Variants in HECW1 observed in about 807,000 individuals in gnomAD.
HECW1 encodes the protein HECT, C2 and WW domain containing E3 ubiquitin protein ligase 1.
In HECW1, 61 loss-of-function variants were observed where a neutral mutation model predicts 182.3. That is an observed-to-expected ratio of 0.33 (90% CI 0.27 to 0.41). HECW1 has a LOEUF of 0.41. HECW1 is among the 10% of genes least tolerant of loss of function. The pLI, the probability that HECW1 is intolerant of heterozygous loss-of-function variation, is 1.00. For missense variants in HECW1, 1,739 were observed against 2,108.9 expected (o/e 0.82, Z 3.44); for synonymous variants, 859 against 832.6 (o/e 1.03, Z -0.55).
At chr7:43,209,463 C>A (rs962609410) in intron 2 of HECW1, among the ~76,000 whole-genome samples, 2 of 152,184 alleles carry the variant, frequency 1.3e-5, no homozygotes, top group African/African-American at 4.8e-5. Context: ...TATTTTATTT[C>A]TCAGGGGTAT....
At chr7:43,468,098 C>CCA (rs151124407) in intron 15 of HECW1, among the ~76,000 whole-genome samples, 21 of 151,276 alleles carry the variant, frequency 1.4e-4, no homozygotes, top group East Asian at 1.2e-3. Context: ...CCAGCCCCCA[C>CCA]CACACACACA....
At chr7:43,260,943 A>C (rs1221203782) in intron 3 of HECW1, among the ~76,000 whole-genome samples, 2 of 152,204 alleles carry the variant, frequency 1.3e-5, no homozygotes, top group African/African-American at 4.8e-5. Flanking sequence ...GCAAACATTA[A>C]CCTCTTTTAC....
At chr7:43,258,227 C>T (rs2152731151) in intron 3 of HECW1, among the ~76,000 whole-genome samples, 1 of 152,128 alleles carries the variant, frequency 6.6e-6, no homozygotes, top group African/African-American at 2.4e-5. Flanking sequence ...CCTGTAGTCC[C>T]AGCTACTCGG....
At chr7:43,488,464 G>GAAAGA (rs1563046310) in intron 17 of HECW1, among the ~76,000 whole-genome samples, 6 of 148,060 alleles carry the variant, frequency 4.1e-5, no homozygotes, top group Non-Finnish European at 7.4e-5. Context: ...AAGAAAGAAA[G>GAAAGA]AAAGAAAGAA....
chr7:43,369,040 G>C (rs1156234562), intron 6 of HECW1, among the ~76,000 whole-genome samples: 1 of 152,148 alleles, frequency 6.6e-6, no homozygotes, highest in Admixed American at 6.5e-5. Context: ...TGTTTCATGG[G>C]CACATTTGCA....
At chr7:43,186,343 A>C (rs983726274) in intron 2 of HECW1, among the ~76,000 whole-genome samples, 40 of 152,198 alleles carry the variant, frequency 2.6e-4, no homozygotes, top group Non-Finnish European at 3.4e-4. Flanking sequence ...GTGAAAGATG[A>C]ACCTTGTGTA....
At chr7:43,383,783 A>G (rs2074656275) in intron 6 of HECW1, among the ~76,000 whole-genome samples, 1 of 151,892 alleles carries the variant, frequency 6.6e-6, no homozygotes, top group South Asian at 2.1e-4. Context: ...ACTCCCCCAA[A>G]ACTTAACCAC....
chr7:43,561,542 A>G (rs1334490785), intron 29 of HECW1, among the ~76,000 whole-genome samples: 3 of 152,252 alleles, frequency 2.0e-5, no homozygotes, highest in Non-Finnish European at 4.4e-5. Context: ...GGCTGATACC[A>G]TAGAGTTTAT....
In HECW1 at chr7:43,163,344, T is replaced by C. The variant is rs989929273; in HGVS notation, c.-32+48953T>C. On this transcript the variant is annotated intron_variant, in intron 2 of 29. Transcript: ENST00000395891. ...GGAAAGGACACCATGTTGATCAGTGTGCATGCACACACACATACACACCCC... is the reference window on the plus strand; with the variant it reads ...GGAAAGGACACCATGTTGATCAGTGCGCATGCACACACACATACACACCCC... 3.9e-5 allele frequency among the ~76,000 whole-genome samples: 6 copies of C among 152,342 alleles called. No homozygotes were observed. In the South Asian group the frequency reaches 1.2e-3, roughly 32 times the overall value.
At chr7:43,266,425 T>A (rs1374806369) in intron 3 of HECW1, among the ~76,000 whole-genome samples, 1 of 152,178 alleles carries the variant, frequency 6.6e-6, no homozygotes, top group East Asian at 1.9e-4. Context: ...GTCCTCCGCC[T>A]CCCGGGTTCA....
intron 19 of HECW1, among the ~76,000 whole-genome samples, chr7:43,495,731 C>A (rs553393295): frequency 6.6e-6 from 1 of 152,232 alleles, no homozygotes; most frequent in Non-Finnish European, 1.5e-5. Flanking sequence ...TGCACTGCTG[C>A]AGAAGGCAGA....
chr7:43,157,769 C>A (rs767706448), intron 2 of HECW1, among the ~76,000 whole-genome samples: 1 of 152,186 alleles, frequency 6.6e-6, no homozygotes, highest in Non-Finnish European at 1.5e-5. Context: ...CCGCATTGCC[C>A]AGGCCGGTCT....
rs140721439 is a variant in HECW1 at position 43,562,993 on chromosome 7, AT to A, written c.*1076del. On this transcript the variant is annotated 3_prime_UTR_variant, in exon 30 of 30. Coordinates refer to ENST00000395891, the MANE Select transcript of HECW1 (RefSeq NM_015052.5). The stretch of plus-strand genomic sequence containing the variant: ...CAAACCCTTTTTTTAAAACTTTGAT[AT>A]TTTTTTTTCACATTTTTTTTTCCTT... 471 of 201,402 alleles carry A rather than the reference AT, an allele frequency of 2.3e-3. 2 individuals are homozygous for A. Among genetic ancestry groups the A allele is most frequent in the African/African-American group, 9.0e-3 (392 of 43,428 alleles). 12.5% of individuals were successfully genotyped at this position (201,402 alleles called of 1,614,324 possible). A position where few individuals can be genotyped will look rare whatever the true frequency, so the allele number is the denominator to read the frequency against.
At chr7:43,365,299 T>C (rs193239054) in intron 6 of HECW1, among the ~76,000 whole-genome samples, 11 of 152,350 alleles carry the variant, frequency 7.2e-5, no homozygotes, top group Non-Finnish European at 1.6e-4. Flanking sequence ...CTACAGAGCG[T>C]TCACCTGGCA....
At chr7:43,255,496 C>G (rs1800461276) in intron 3 of HECW1, among the ~76,000 whole-genome samples, 1 of 151,402 alleles carries the variant, frequency 6.6e-6, no homozygotes, top group African/African-American at 2.4e-5. Context: ...ACTCAGGAGG[C>G]TGAGGCAGAA....
intron 5 of HECW1, among the ~76,000 whole-genome samples, chr7:43,358,181 C>T (rs113341544): frequency 3.3e-5 from 5 of 152,246 alleles, no homozygotes; most frequent in African/African-American, 1.2e-4. Flanking sequence ...CCACCGGCAC[C>T]TACAGGCAGA....
At chr7:43,485,580 G>A (rs1452905393) in intron 17 of HECW1, among the ~76,000 whole-genome samples, 1 of 152,142 alleles carries the variant, frequency 6.6e-6, no homozygotes, top group Non-Finnish European at 1.5e-5. Context: ...TGGCTCCCAG[G>A]CTGCAAACCT....
chr7:43,518,390 G>A (rs2080268650), intron 24 of HECW1, among the ~76,000 whole-genome samples: 1 of 152,032 alleles, frequency 6.6e-6, no homozygotes, highest in South Asian at 2.1e-4. Context: ...CAGCTACTCA[G>A]GAGGCTGAGG....
At chr7:43,556,920 C>T (rs950883160) in intron 29 of HECW1, among the ~76,000 whole-genome samples, 2 of 152,002 alleles carry the variant, frequency 1.3e-5, no homozygotes, top group African/African-American at 2.4e-5. Context: ...AACCAAGGCA[C>T]CCCTAAGAGG....
Sources: allele counts gnomAD v4.1 joint callset (sites outside exome capture counted in the v4.1 genomes callset), GRCh38; gene constraint gnomAD v4.1.1; transcripts MANE v1.5; gene names NCBI Gene and HGNC (gene_info 2026-07-23, HGNC 2026-07-21).